SLC9C2: variants seen among roughly 807,000 people sequenced by gnomAD.
SLC9C2 encodes the protein sodium/hydrogen exchanger 11.
SLC9C2 carries 75 observed loss-of-function variants against 140.2 expected under a neutral mutation model. That is an observed-to-expected ratio of 0.53 (90% CI 0.44 to 0.65). SLC9C2 has a LOEUF of 0.65. SLC9C2 is among the 30% of genes least tolerant of loss of function. SLC9C2 has a pLI of 0.00. For synonymous variants in SLC9C2, 375 were observed against 420.9 expected, an observed-to-expected ratio of 0.89 and a Z score of 1.34; for missense variants, 1,074 against 1,331.8, an observed-to-expected ratio of 0.81 and a Z score of 3.01.
chr1:173,580,025 T>A (rs967719014), intron 7 of SLC9C2, among the ~76,000 whole-genome samples: 2 of 152,172 alleles, frequency 1.3e-5, no homozygotes, highest in African/African-American at 4.8e-5. Flanking sequence ...AGCCCAGTGA[T>A]GTGCTGGTAA....
intron 4 of SLC9C2, among the ~76,000 whole-genome samples, chr1:173,593,122 A>AAC (rs974800212): frequency 6.6e-6 from 1 of 152,204 alleles, no homozygotes; most frequent in Non-Finnish European, 1.5e-5. Flanking sequence ...CATATACAAA[A>AAC]ACACACTGAA....
At chr1:173,589,910 G>T (rs1162866645) in intron 4 of SLC9C2, among the ~76,000 whole-genome samples, 1 of 152,060 alleles carries the variant, frequency 6.6e-6, no homozygotes, top group African/African-American at 2.4e-5. Context: ...AAATCATGGA[G>T]AATATGATGG....
At chr1:173,503,435 T>A in intron 26 of SLC9C2, 109 bp from the exon 27 acceptor site, 1 of 991,938 alleles carries the variant, frequency 1.0e-6, no homozygotes, top group Non-Finnish European at 1.5e-6. Context: ...TAAGTTTCCC[T>A]TTTCCCTTCC....
In SLC9C2 at chr1:173,506,979, A is replaced by G. The variant is rs2101892061; in HGVS notation, c.3102T>C (p.Tyr1034=). Residue 1034 remains tyrosine, a synonymous_variant, in exon 25 of 28, where the codon TAT becomes TAC. Coordinates refer to ENST00000367714, the MANE Select transcript of SLC9C2 (RefSeq NM_178527.4). The part of the protein sequence containing the change: ...NQAYVETLSS[Y]SDMIIDNMTM... ...TCATATTATCAATAATCATGTCACT[A>G]TAGCTTGATAAAGTTTCCACATATG... 6.2e-7 allele frequency: 1 copy of G among 1,612,300 alleles called. No individual in the cohort carries two copies. Among genetic ancestry groups the G allele is most frequent in the Non-Finnish European group, 8.5e-7 (1 of 1,179,404 alleles).
At chr1:173,541,360 A>T (rs139641002) in intron 13 of SLC9C2, among the ~76,000 whole-genome samples, 49 of 152,334 alleles carry the variant, frequency 3.2e-4, no homozygotes, top group African/African-American at 1.1e-3. Flanking sequence ...TTCATAAAGC[A>T]AGTCCTTAGA....
chr1:173,544,687 A>G (rs886937945), intron 13 of SLC9C2, among the ~76,000 whole-genome samples: 1 of 152,206 alleles, frequency 6.6e-6, no homozygotes, highest in African/African-American at 2.4e-5. Context: ...ATAATAAATG[A>G]TGAGTTCATG....
At chr1:173,558,151 A>C (rs1236593180) in intron 9 of SLC9C2, among the ~76,000 whole-genome samples, 1 of 152,172 alleles carries the variant, frequency 6.6e-6, no homozygotes, top group Non-Finnish European at 1.5e-5. Context: ...GAAAGTGAAA[A>C]CAGATGTGTT....
chr1:173,567,078 T>G (rs1382551493), intron 9 of SLC9C2, among the ~76,000 whole-genome samples: 1 of 152,138 alleles, frequency 6.6e-6, no homozygotes, highest in Non-Finnish European at 1.5e-5. Context: ...ACTTGTTTTA[T>G]GATCTAACAT....
intron 8 of SLC9C2, among the ~76,000 whole-genome samples, chr1:173,574,668 G>A (rs1286448260): frequency 4.0e-5 from 6 of 151,472 alleles, no homozygotes; most frequent in Admixed American, 6.6e-5. Context: ...CCGCCACCAC[G>A]CCCGGCTAAT....
intron 22 of SLC9C2, 47 bp from the exon 23 acceptor site, chr1:173,517,751 CCCTTT>C (rs1381492296): frequency 3.2e-6 from 5 of 1,538,820 alleles, no homozygotes; most frequent in Non-Finnish European, 4.4e-6. Flanking sequence ...AAATGAAAAA[CCCTTT>C]GATCAAATCA....
chr1:173,503,110 A>G (rs941625793), intron 27 of SLC9C2, among the ~76,000 whole-genome samples, 156 bp downstream of exon 27: 2 of 152,226 alleles, frequency 1.3e-5, no homozygotes, highest in Non-Finnish European at 2.9e-5. Flanking sequence ...AGTAATTTAA[A>G]TGGGGTTTAT....
At chr1:173,552,550 T>A (rs1254017265) in intron 11 of SLC9C2, among the ~76,000 whole-genome samples, 5 of 152,242 alleles carry the variant, frequency 3.3e-5, no homozygotes, top group South Asian at 2.1e-4. Context: ...CTGAAAATCC[T>A]AAGACTCTTA....
At chr1:173,548,349 G>A in intron 12 of SLC9C2, 40 bp downstream of exon 12, 1 of 1,579,160 alleles carries the variant, frequency 6.3e-7, no homozygotes, top group Non-Finnish European at 8.6e-7. Context: ...CAGACCAAGG[G>A]AAGGAAAGGA....
chr1:173,564,922 C>T (rs1335165885), intron 9 of SLC9C2, among the ~76,000 whole-genome samples: 2 of 151,024 alleles, frequency 1.3e-5, no homozygotes, highest in African/African-American at 4.8e-5. Context: ...CAGGCGTGAG[C>T]CACCGTGCCT....
chr1:173,526,525 C>T (rs946369472), intron 19 of SLC9C2, 138 bp downstream of exon 19: 1 of 757,276 alleles, frequency 1.3e-6, no homozygotes, highest in African/African-American at 1.8e-5. Context: ...ATACCTGGCC[C>T]ATTAGCTGTG....
At position 173,501,062 on chromosome 1, in the gene SLC9C2, T is replaced by C. The variant is rs755258620; in HGVS notation, c.*32A>G. ...GACTCCACACATCATATTTGTATCA[T>C]TAATACCCTTTTCTAAAATGGTATC... On this transcript the variant is annotated 3_prime_UTR_variant, in exon 28 of 28. Transcript: ENST00000367714. 4.6e-6 allele frequency: 7 copies of C among 1,531,270 alleles called. No homozygotes were observed. The Admixed American group carries it at 8.3e-5, about 18-fold the overall frequency. The allele number at this position is 1,531,270 out of a possible 1,614,324, so 94.9% of individuals were successfully genotyped here.
chr1:173,503,225 G>A, intron 27 of SLC9C2, 41 bp downstream of exon 27: 1 of 1,549,192 alleles, frequency 6.5e-7, no homozygotes, highest in Admixed American at 1.7e-5. Flanking sequence ...TTCAATATTT[G>A]CAATAAGAAA....
chr1:173,577,371 A>G (rs1370208853), intron 7 of SLC9C2, among the ~76,000 whole-genome samples: 1 of 152,204 alleles, frequency 6.6e-6, no homozygotes, highest in African/African-American at 2.4e-5. Context: ...TTTTGCAGCT[A>G]TAGACCTCCC....
At chr1:173,502,814 T>A (rs971184105) in intron 27 of SLC9C2, among the ~76,000 whole-genome samples, 2 of 152,216 alleles carry the variant, frequency 1.3e-5, no homozygotes, top group Non-Finnish European at 2.9e-5. Flanking sequence ...TTAACCTTTT[T>A]CTTTAAAGGA....
Sources: allele counts gnomAD v4.1 joint callset (sites outside exome capture counted in the v4.1 genomes callset), GRCh38; gene constraint gnomAD v4.1.1; transcripts MANE v1.5; gene names NCBI Gene and HGNC (gene_info 2026-07-23, HGNC 2026-07-21).